The following RYK variants were observed in gnomAD, a reference collection of about 807,000 sequenced individuals.
The protein encoded by RYK is inactive tyrosine-protein kinase RYK.
Under a neutral mutation model 70.2 loss-of-function variants are expected in RYK, and 21 were observed. The observed-to-expected ratio is 0.30, with a 90% CI of 0.21 to 0.43. The LOEUF (loss-of-function observed/expected upper bound fraction) is 0.43, where lower values mean the gene tolerates loss of function less well. RYK is among the 20% of genes least tolerant of loss of function. RYK has a pLI of 1.00. For synonymous variants in RYK, 267 were observed against 278.0 expected, an observed-to-expected ratio of 0.96 and a Z score of 0.39; for missense variants, 604 against 753.3, an observed-to-expected ratio of 0.80 and a Z score of 2.32.
At chr3:134,172,856 C>G (rs1020810930) in intron 13 of RYK, among the ~76,000 whole-genome samples, 7 of 152,148 alleles carry the variant, frequency 4.6e-5, no homozygotes, top group African/African-American at 1.7e-4. Context: ...ATCCAAGAGT[C>G]TGGCTTTATT....
intron 9 of RYK, 77 bp downstream of exon 9, chr3:134,188,760 C>T (rs2013551008): frequency 3.5e-6 from 3 of 846,390 alleles, no homozygotes; most frequent in East Asian, 5.3e-5. Flanking sequence ...CATTGGGAAA[C>T]TGAGACAGAA....
intron 6 of RYK, among the ~76,000 whole-genome samples, chr3:134,197,603 G>C (rs1237838409): frequency 6.6e-6 from 1 of 152,148 alleles, no homozygotes; most frequent in Non-Finnish European, 1.5e-5. Flanking sequence ...CTGTTTTACA[G>C]TTGAGTACCA....
intron 9 of RYK, among the ~76,000 whole-genome samples, chr3:134,185,987 T>A (rs6795658): frequency 1.1e-4 from 16 of 152,002 alleles, no homozygotes; most frequent in Non-Finnish European, 2.1e-4. Context: ...CCTAGTCTTT[T>A]AATTACATAA....
chr3:134,213,990 A>G (rs2014479846), intron 2 of RYK, among the ~76,000 whole-genome samples: 1 of 152,074 alleles, frequency 6.6e-6, no homozygotes, highest in Admixed American at 6.5e-5. Context: ...TATTTTTAGT[A>G]GAGACGAGAT....
At chr3:134,166,420 G>C (rs2012668759) in intron 13 of RYK, among the ~76,000 whole-genome samples, 1 of 152,218 alleles carries the variant, frequency 6.6e-6, no homozygotes, top group Non-Finnish European at 1.5e-5. Flanking sequence ...GTCTATGGCA[G>C]TTTGTTACAG....
intron 1 of RYK, among the ~76,000 whole-genome samples, chr3:134,248,139 G>T (rs1448287441): frequency 2.0e-5 from 3 of 152,178 alleles, no homozygotes; most frequent in Admixed American, 2.0e-4. Flanking sequence ...TGGAAACAAC[G>T]AACCTGAATC....
chr3:134,180,531 C>T (rs925449433), intron 10 of RYK: 5 of 152,110 alleles, frequency 3.3e-5, no homozygotes, highest in Non-Finnish European at 7.4e-5. Context: ...TTCTATAATA[C>T]GATCTCTGAA....
chr3:134,231,703 G>T (rs1307853322), intron 1 of RYK, among the ~76,000 whole-genome samples: 1 of 152,108 alleles, frequency 6.6e-6, no homozygotes, highest in African/African-American at 2.4e-5. Flanking sequence ...GGAGCCCAAA[G>T]GGCCCATTCT....
At chr3:134,168,514 C>T (rs984503817) in intron 13 of RYK, among the ~76,000 whole-genome samples, 5 of 151,668 alleles carry the variant, frequency 3.3e-5, no homozygotes, top group East Asian at 1.9e-4. Context: ...AGCAAACTAT[C>T]GCAAGGACAA....
intron 9 of RYK, among the ~76,000 whole-genome samples, chr3:134,188,311 C>A (rs2013537551): frequency 6.6e-6 from 1 of 151,848 alleles, no homozygotes; most frequent in South Asian, 2.1e-4. Flanking sequence ...CAGGCGTGAG[C>A]CACCACGCCT....
chr3:134,173,597 A>G (rs2108149410), intron 13 of RYK, among the ~76,000 whole-genome samples: 2 of 152,286 alleles, frequency 1.3e-5, no homozygotes, highest in East Asian at 3.9e-4. Context: ...TAAAAGCATC[A>G]GATCTCGTGA....
chr3:134,189,425 A>G (rs982974170), intron 8 of RYK, among the ~76,000 whole-genome samples: 1 of 152,154 alleles, frequency 6.6e-6, no homozygotes. Context: ...AGACAAGCCA[A>G]TTAGACTCTC....
At chr3:134,244,395 T>C (rs541388709) in intron 1 of RYK, among the ~76,000 whole-genome samples, 22 of 152,348 alleles carry the variant, frequency 1.4e-4, no homozygotes, top group African/African-American at 4.6e-4. Context: ...CTTGCGGTTC[T>C]ACTCTTTGAG....
intron 7 of RYK, among the ~76,000 whole-genome samples, chr3:134,193,104 C>A (rs1209139642): frequency 6.6e-6 from 1 of 151,854 alleles, no homozygotes; most frequent in South Asian, 2.1e-4. Context: ...TAGCTCCTTA[C>A]GGTAATGGCC....
In RYK at chr3:134,222,407, C is replaced by T; in HGVS notation, c.354+11G>A. ...CCCTGTCATGATGTCTGTGGTTAGC[C>T]ACTCTCTTACCTTGGACTTCGCATG... On this transcript the variant is annotated intron_variant, in intron 2 of 14. Transcript: ENST00000623711. 1 of 1,612,404 alleles carries T rather than the reference C, an allele frequency of 6.2e-7. No homozygotes were observed. The highest frequency in any genetic ancestry group is 1.1e-5 in the South Asian group (1 of 90,992).
chr3:134,167,058 T>C (rs944385687), intron 13 of RYK, among the ~76,000 whole-genome samples: 2 of 152,138 alleles, frequency 1.3e-5, no homozygotes, highest in South Asian at 4.1e-4. Context: ...TCCAAGATTA[T>C]TGTATATAAA....
intron 1 of RYK, among the ~76,000 whole-genome samples, chr3:134,246,547 A>T (rs2093622487): frequency 6.6e-6 from 1 of 152,220 alleles, no homozygotes; most frequent in East Asian, 1.9e-4. Flanking sequence ...GCTTCAAAAA[A>T]ACAGAAAAAA....
chr3:134,199,785 C>G (rs909481949), intron 6 of RYK, among the ~76,000 whole-genome samples: 1 of 152,086 alleles, frequency 6.6e-6, no homozygotes, highest in Non-Finnish European at 1.5e-5. Context: ...AGAGGTGAAG[C>G]TGGCTGGGCT....
chr3:134,247,913 C>T (rs2015507208), intron 1 of RYK, among the ~76,000 whole-genome samples: 1 of 152,152 alleles, frequency 6.6e-6, no homozygotes, highest in Non-Finnish European at 1.5e-5. Flanking sequence ...TCAGAAGGCA[C>T]AAAATCTGTA....
Sources: gnomAD v4.1 joint callset for allele counts (sites outside exome capture counted in the v4.1 genomes callset) on GRCh38, gnomAD v4.1.1 for gene constraint, MANE v1.5 for transcripts, NCBI Gene and HGNC (gene_info 2026-07-23, HGNC 2026-07-21) for gene names.